The following DDX42 variants were observed in gnomAD, a reference collection of about 807,000 sequenced individuals.
The protein encoded by DDX42 is ATP-dependent RNA helicase DDX42.
In DDX42, 22 loss-of-function variants were observed where a neutral mutation model predicts 101.5. That is an observed-to-expected ratio of 0.22 (90% confidence interval 0.15 to 0.31). The LOEUF is 0.31. Among genes scored for constraint, DDX42 ranks in the 10% least tolerant of loss-of-function variants. The probability of loss-of-function intolerance (pLI) is 1.00; values close to 1 mark genes in which losing one functional copy is unlikely to be tolerated. For missense variants in DDX42, 849 were observed against 1,199.9 expected, an observed-to-expected ratio of 0.71 and a Z score of 4.32; for synonymous variants, 402 against 401.2, an observed-to-expected ratio of 1.00 and a Z score of -0.02.
chr17:63,791,823 A>G (rs1470016798), intron 2 of DDX42, among the ~76,000 whole-genome samples: 7 of 152,258 alleles, frequency 4.6e-5, no homozygotes, highest in African/African-American at 1.7e-4. Context: ...AGGAGGGCAG[A>G]TCACGTAAGG....
At chr17:63,791,935 T>G (rs947030272) in intron 2 of DDX42, among the ~76,000 whole-genome samples, 1 of 151,504 alleles carries the variant, frequency 6.6e-6, no homozygotes, top group Non-Finnish European at 1.5e-5. Flanking sequence ...TGATCCCAGC[T>G]ACTAGGGAGG....
Position 63,813,472 on chromosome 17 carries a change from C to T in DDX42, c.1902+18C>T, listed in dbSNP as rs759280519. 3 of 1,600,486 alleles carry T rather than the reference C, an allele frequency of 1.9e-6. No homozygotes were observed. The East Asian group carries it at 6.7e-5, about 36-fold the overall frequency. ...CAATGCAGGTGAGGGGCTGGGCACA[C>T]TTTCAATTGCTCCTGGTTATAAGAC... On this transcript the variant is annotated intron_variant, in intron 15 of 17. Transcript: ENST00000389924.
rs1029173162 is a variant in DDX42, at chr17:63,818,266, G to C, written c.2685G>C (p.Lys895Asn). The C allele has an allele frequency of 1.5e-5, 25 of 1,614,094 alleles. No individual in the cohort carries two copies. Among genetic ancestry groups the C allele is most frequent in the Non-Finnish European group, 2.0e-5 (24 of 1,179,988 alleles). The change falls in exon 18 of 18, where the codon AAG (lysine) becomes AAC (asparagine). Residue 895 changes from lysine (K) to asparagine (N), a missense_variant. Lys to Asn is a moderately conservative substitution (Grantham distance 94). Coordinates refer to ENST00000389924, the MANE Select transcript of DDX42 (RefSeq NM_203499.3). The part of the protein sequence containing the change: ...SRKEAFNRES[K>N]MEPKMEPKVD... ...AAGAAGCTTTTAATCGTGAGAGCAAGATGGAGCCCAAGATGGAACCCAAAG... is the reference window on the plus strand; with the variant it reads ...AAGAAGCTTTTAATCGTGAGAGCAACATGGAGCCCAAGATGGAACCCAAAG...
intron 15 of DDX42, among the ~76,000 whole-genome samples, chr17:63,814,207 C>T (rs1032216305): frequency 6.6e-6 from 1 of 152,226 alleles, no homozygotes; most frequent in Non-Finnish European, 1.5e-5. Context: ...ACTGATTGCC[C>T]TCTTCCAGGT....
chr17:63,797,895 A>T (rs1367610630), intron 3 of DDX42, 143 bp from the exon 4 acceptor site: 2 of 689,938 alleles, frequency 2.9e-6, no homozygotes, highest in African/African-American at 3.6e-5. Flanking sequence ...TTGAAAAATA[A>T]TTGTCAAAAT....
At chr17:63,817,436 C>T in intron 17 of DDX42, 1 of 430,572 alleles carries the variant, frequency 2.3e-6, no homozygotes, top group East Asian at 3.8e-5. Context: ...GTGCTAAATA[C>T]ATAGATGCTT....
In DDX42 at chr17:63,810,500, C is replaced by G; in HGVS notation, c.1253-13C>G. ...TTCAGGTTATAATAATTTTATTGTT[C>G]TGTTTCTTGCAGAGTACCAAGTTCG... On this transcript the variant is annotated splice_polypyrimidine_tract_variant and intron_variant, in intron 11 of 17. Coordinates refer to ENST00000389924, the MANE Select transcript of DDX42 (RefSeq NM_203499.3). The G allele has an allele frequency of 2.5e-6, 4 of 1,613,460 alleles. No individual in the cohort carries two copies. Among genetic ancestry groups the G allele is most frequent in the Non-Finnish European group, 3.4e-6 (4 of 1,179,688 alleles).
At chr17:63,776,767 C>T (rs1447277657) in intron 1 of DDX42, among the ~76,000 whole-genome samples, 1 of 151,406 alleles carries the variant, frequency 6.6e-6, no homozygotes, top group African/African-American at 2.4e-5. Context: ...CACACAGCCT[C>T]TTACCATTTT....
intron 10 of DDX42, among the ~76,000 whole-genome samples, chr17:63,809,206 C>G (rs2039880312): frequency 6.6e-6 from 1 of 152,120 alleles, no homozygotes; most frequent in Non-Finnish European, 1.5e-5. Context: ...AAATGATTGC[C>G]AAGTTCATCA....
chr17:63,798,031 T>G lies in DDX42; in HGVS notation c.373-7T>G. ...ATGTCATTCTATACAGCCTTTTGTTTCATTAGGATCAGGCAGCTAGAGACA... is the reference window on the plus strand; with the variant it reads ...ATGTCATTCTATACAGCCTTTTGTTGCATTAGGATCAGGCAGCTAGAGACA... On this transcript the variant is annotated splice_region_variant and splice_polypyrimidine_tract_variant and intron_variant, in intron 3 of 17. Transcript: ENST00000389924. The G allele has an allele frequency of 6.2e-7, 1 of 1,608,518 alleles. No individual in the cohort carries two copies. Among genetic ancestry groups the G allele is most frequent in the South Asian group, 1.1e-5 (1 of 89,772 alleles).
rs1184200617 is a variant in DDX42, at chr17:63,817,954, T to C, written c.2373T>C (p.Ala791=). Reference sequence around the variant, plus strand: ...GAGCCCAAGGAGTCAACAACACAGCTTCAGGGAATAACAGCCGAGAAGGGA... The same window carrying C: ...GAGCCCAAGGAGTCAACAACACAGCCTCAGGGAATAACAGCCGAGAAGGGA... ...SAGAQGVNNT[A]SGNNSREGTG... is the part of the protein sequence containing the mutation. The change falls in exon 18 of 18, where the codon GCT becomes GCC. Residue 791 remains alanine (A), a synonymous_variant. Transcript: ENST00000389924. The C allele has an allele frequency of 6.2e-7, 1 of 1,613,908 alleles. No homozygotes were observed. Among genetic ancestry groups the C allele is most frequent in the Non-Finnish European group, 8.5e-7 (1 of 1,180,006 alleles).
chr17:63,799,480 T>C, intron 4 of DDX42, 109 bp from the exon 5 acceptor site: 1 of 1,140,106 alleles, frequency 8.8e-7, no homozygotes, highest in Non-Finnish European at 1.3e-6. Flanking sequence ...TTATTATTAG[T>C]GTTGAGAGTT....
chr17:63,777,308 A>C (rs538244760), intron 1 of DDX42, among the ~76,000 whole-genome samples: 1 of 151,434 alleles, frequency 6.6e-6, no homozygotes, highest in African/African-American at 2.4e-5. Flanking sequence ...AGTCTTTTAC[A>C]TATTGAATAA....
chr17:63,786,723 G>T (rs558451000), intron 1 of DDX42, among the ~76,000 whole-genome samples: 87 of 152,356 alleles, frequency 5.7e-4, no homozygotes, highest in African/African-American at 2.0e-3. Context: ...TGTCGCCCAG[G>T]CTGGAGTGCA....
intron 1 of DDX42, among the ~76,000 whole-genome samples, chr17:63,782,411 AG>A (rs148276551): frequency 0.062 from 9,489 of 152,196 alleles, 412 homozygotes; most frequent in Admixed American, 0.11. Flanking sequence ...CCCTCTCTGC[AG>A]TTACTGCCCC....
At position 63,793,259 on chromosome 17, in the gene DDX42, TTTTC is replaced by T. The variant is rs552058081; in HGVS notation, c.372+709_372+712del. On this transcript the variant is annotated intron_variant, in intron 3 of 17. Coordinates refer to ENST00000389924, the MANE Select transcript of DDX42 (RefSeq NM_203499.3). The stretch of plus-strand genomic sequence containing the variant: ...TCTTTCTTTTCCTTTCTCTTTTTTT[TTTTC>T]TTTCTTTCTTTTATTTTTTTGAGAC... Among the ~76,000 whole-genome samples, 316 of 152,128 alleles carry T rather than the reference TTTTC, an allele frequency of 2.1e-3. 2 individuals carry two copies. The highest frequency in any genetic ancestry group is 7.1e-3 in the African/African-American group (294 of 41,488).
At position 63,798,117 on chromosome 17, in the gene DDX42, C is replaced by T; in HGVS notation, c.434+18C>T. 2 of 1,611,702 alleles carry T rather than the reference C, an allele frequency of 1.2e-6. No individual in the cohort carries two copies. Among genetic ancestry groups the T allele is most frequent in the Non-Finnish European group, 1.7e-6 (2 of 1,178,776 alleles). On this transcript the variant is annotated intron_variant, in intron 4 of 17. Transcript: ENST00000389924. ...AACGTAAAGTAAGTTGTTTTCTTCT[C>T]CCTCACAAAGGTTACGTGAAAACTG...
intron 5 of DDX42, among the ~76,000 whole-genome samples, chr17:63,799,984 G>T (rs1273487271): frequency 2.0e-5 from 3 of 152,200 alleles, no homozygotes; most frequent in Non-Finnish European, 4.4e-5. Context: ...CTTAGTAAGT[G>T]TCCTGTTTGT....
intron 11 of DDX42, 124 bp downstream of exon 11, chr17:63,809,783 A>G (rs910023775): frequency 3.0e-6 from 2 of 667,052 alleles, no homozygotes; most frequent in African/African-American, 1.8e-5. Context: ...GGGTTAGACT[A>G]TAGAAATATA....
Sources: allele counts gnomAD v4.1 joint callset (sites outside exome capture counted in the v4.1 genomes callset), GRCh38; gene constraint gnomAD v4.1.1; transcripts MANE v1.5; gene names NCBI Gene and HGNC (gene_info 2026-07-23, HGNC 2026-07-21).